Variants in ADGRB3 observed in about 807,000 individuals in gnomAD.
The protein encoded by ADGRB3 is brain-specific angiogenesis inhibitor 3.
In ADGRB3, 37 loss-of-function variants were observed where a neutral mutation model predicts 193.4. The observed-to-expected ratio is 0.19, with a 90% CI of 0.15 to 0.25. ADGRB3 has a LOEUF of 0.25. ADGRB3 is among the 10% of genes least tolerant of loss of function. The probability of loss-of-function intolerance (pLI) is 1.00; values close to 1 mark genes in which losing one functional copy is unlikely to be tolerated. For missense variants in ADGRB3, 1,637 were observed against 1,852.9 expected (o/e 0.88, Z 2.14); for synonymous variants, 690 against 644.2 (o/e 1.07, Z -1.08).
At chr6:69,150,488 G>A (rs1225737511) in intron 17 of ADGRB3, among the ~76,000 whole-genome samples, 1 of 152,092 alleles carries the variant, frequency 6.6e-6, no homozygotes, top group African/African-American at 2.4e-5. Flanking sequence ...CCAGGCCTGG[G>A]ACTCATCTTT....
chr6:69,356,508 A>T (rs796146350), intron 28 of ADGRB3, among the ~76,000 whole-genome samples: 1 of 151,996 alleles, frequency 6.6e-6, no homozygotes, highest in Non-Finnish European at 1.5e-5. Flanking sequence ...GAGAGAGAGA[A>T]AAAGAGAGAG....
intron 5 of ADGRB3, 122 bp downstream of exon 5, chr6:68,936,802 A>C: frequency 1.9e-6 from 2 of 1,057,302 alleles, no homozygotes; most frequent in South Asian, 2.0e-5. Flanking sequence ...GGATAAGTGT[A>C]ATTATTATTC....
chr6:68,990,301 G>T (rs1253860108), intron 10 of ADGRB3, among the ~76,000 whole-genome samples: 3 of 152,112 alleles, frequency 2.0e-5, no homozygotes, highest in Non-Finnish European at 4.4e-5. Flanking sequence ...ATACGTTCTG[G>T]ACAGAAACGT....
intron 17 of ADGRB3, among the ~76,000 whole-genome samples, chr6:69,160,001 G>T (rs938363563): frequency 3.3e-5 from 5 of 152,060 alleles, no homozygotes; most frequent in East Asian, 1.9e-4. Context: ...CCTTCAAGAT[G>T]TATCCAGAAT....
At chr6:68,957,392 A>G (rs1768104878) in intron 8 of ADGRB3, among the ~76,000 whole-genome samples, 1 of 152,180 alleles carries the variant, frequency 6.6e-6, no homozygotes, top group Non-Finnish European at 1.5e-5. Context: ...CTTCCTAATC[A>G]TGTGTACCTT....
At chr6:69,175,859 G>A (rs1775405901) in intron 17 of ADGRB3, among the ~76,000 whole-genome samples, 1 of 152,062 alleles carries the variant, frequency 6.6e-6, no homozygotes, top group South Asian at 2.1e-4. Context: ...TCACCTCCTT[G>A]GTTAGATGTA....
chr6:68,900,480 G>T (rs1443304416), intron 3 of ADGRB3, among the ~76,000 whole-genome samples: 2 of 152,110 alleles, frequency 1.3e-5, no homozygotes, highest in Non-Finnish European at 2.9e-5. Flanking sequence ...GCTATCTGAA[G>T]ATATCTGAAG....
intron 13 of ADGRB3, among the ~76,000 whole-genome samples, chr6:69,031,537 C>CT (rs1162389495): frequency 1.7e-5 from 1 of 58,454 alleles, no homozygotes; most frequent in African/African-American, 4.3e-5. Context: ...TTCTTTCTTT[C>CT]TTTCTTTCTT....
chr6:69,123,531 G>T (rs1773774956), intron 17 of ADGRB3, among the ~76,000 whole-genome samples: 1 of 152,150 alleles, frequency 6.6e-6, no homozygotes, highest in Admixed American at 6.5e-5. Flanking sequence ...TATTCCAGTG[G>T]ATGGAGATAG....
intron 17 of ADGRB3, among the ~76,000 whole-genome samples, chr6:69,104,150 A>G (rs1285364607): frequency 3.3e-5 from 5 of 150,730 alleles, no homozygotes; most frequent in Admixed American, 3.3e-4. Context: ...CTTGTCATCT[A>G]GCATTAGGTG....
At chr6:68,695,683 C>T (rs988527310) in intron 3 of ADGRB3, among the ~76,000 whole-genome samples, 2 of 151,828 alleles carry the variant, frequency 1.3e-5, no homozygotes, top group Non-Finnish European at 2.9e-5. Context: ...TGTTAAGAGT[C>T]CACAGCGAGT....
intron 13 of ADGRB3, among the ~76,000 whole-genome samples, chr6:69,046,304 A>C (rs960260151): frequency 3.3e-5 from 5 of 152,302 alleles, no homozygotes; most frequent in African/African-American, 1.2e-4. Flanking sequence ...CCAAGACATC[A>C]AAAGTTAGAG....
chr6:68,974,051 A>C lies in ADGRB3; in HGVS notation c.1526-712A>C, dbSNP rs117288143. Among the ~76,000 whole-genome samples, 274 of 152,284 alleles carry C rather than the reference A, an allele frequency of 1.8e-3. 2 individuals are homozygous for C. The highest frequency in any genetic ancestry group is 6.2e-3 in the African/African-American group (257 of 41,566). The stretch of plus-strand genomic sequence containing the variant: ...CATTGCTTTTAGTTGAAGAGGTAAA[A>C]AGTTACGTATTTTTACTCTTTATGC... On this transcript the variant is annotated intron_variant, in intron 8 of 31. Transcript: ENST00000370598.
chr6:69,341,261 A>G (rs1768967672), intron 26 of ADGRB3, among the ~76,000 whole-genome samples: 1 of 152,152 alleles, frequency 6.6e-6, no homozygotes, highest in Non-Finnish European at 1.5e-5. Context: ...ATTTCTCCAC[A>G]TCCTCTCCAG....
intron 17 of ADGRB3, among the ~76,000 whole-genome samples, chr6:69,212,882 A>G (rs1028273838): frequency 4.6e-5 from 7 of 152,148 alleles, no homozygotes; most frequent in African/African-American, 1.7e-4. Context: ...TAGAAAGGTG[A>G]TAGGAGGTAG....
chr6:68,829,682 A>G (rs1767917697), intron 3 of ADGRB3, among the ~76,000 whole-genome samples: 1 of 152,182 alleles, frequency 6.6e-6, no homozygotes, highest in South Asian at 2.1e-4. Flanking sequence ...TTACAAATAC[A>G]TTTAGAAATT....
At chr6:68,800,782 C>T (rs1005201787) in intron 3 of ADGRB3, among the ~76,000 whole-genome samples, 2 of 151,874 alleles carry the variant, frequency 1.3e-5, no homozygotes, top group Admixed American at 6.6e-5. Context: ...AGATGCATAC[C>T]GATGAAATTG....
intron 16 of ADGRB3, among the ~76,000 whole-genome samples, chr6:69,073,887 A>G (rs897041861): frequency 2.0e-5 from 3 of 152,144 alleles, no homozygotes. Flanking sequence ...CCAGTCTTTC[A>G]TCTGGAGGAG....
chr6:69,285,525 C>T (rs190077379), intron 20 of ADGRB3, among the ~76,000 whole-genome samples: 43 of 151,882 alleles, frequency 2.8e-4, no homozygotes, highest in African/African-American at 9.9e-4. Context: ...ACAAAAATTA[C>T]CTGGGCATGG....
Sources: allele counts gnomAD v4.1 joint callset (sites outside exome capture counted in the v4.1 genomes callset), GRCh38; gene constraint gnomAD v4.1.1; transcripts MANE v1.5; gene names NCBI Gene and HGNC (gene_info 2026-07-23, HGNC 2026-07-21).